Variants in RAD51B observed in about 807,000 individuals in gnomAD.
The protein encoded by RAD51B is DNA repair protein RAD51 homolog 2.
In RAD51B, 38 loss-of-function variants were observed where a neutral mutation model predicts 42.2. That is an observed-to-expected ratio of 0.90 (90% CI 0.70 to 1.18). The LOEUF (loss-of-function observed/expected upper bound fraction) is 1.18, where lower values mean the gene tolerates loss of function less well. Ranked by LOEUF, RAD51B falls within the 50% of genes most tolerant of loss-of-function variation. RAD51B has a pLI of 0.00. For synonymous variants in RAD51B, 154 were observed against 145.2 expected (o/e 1.06, Z -0.43); for missense variants, 373 against 400.7 (o/e 0.93, Z 0.59).
intron 7 of RAD51B, among the ~76,000 whole-genome samples, chr14:68,176,918 A>G (rs1369856839): frequency 1.3e-5 from 2 of 152,176 alleles, no homozygotes; most frequent in Non-Finnish European, 1.5e-5. Context: ...CAACTGCACT[A>G]TGCCAAGATG....
At chr14:68,324,489 A>G (rs1358363061) in intron 8 of RAD51B, among the ~76,000 whole-genome samples, 1 of 152,236 alleles carries the variant, frequency 6.6e-6, no homozygotes. Context: ...GACAAGATCA[A>G]GAACCAGGAC....
intron 3 of RAD51B, among the ~76,000 whole-genome samples, chr14:67,833,111 C>A (rs550368852): frequency 3.9e-5 from 6 of 152,280 alleles, no homozygotes; most frequent in African/African-American, 1.4e-4. Context: ...TGCAGTGGCT[C>A]ACACCTGTAA....
At position 68,277,004 on chromosome 14, in the gene RAD51B, G is replaced by A. The variant is rs115715510; in HGVS notation, c.757-14880G>A. Among the ~76,000 whole-genome samples, 283 of 152,260 alleles carry A rather than the reference G, an allele frequency of 1.9e-3. 1 individual carries two copies. Among genetic ancestry groups the A allele is most frequent in the African/African-American group, 6.5e-3 (270 of 41,550 alleles). ...ACAAAGCTTATGGAGTACTCAGGAC[G>A]GAGAGAACATGGTGAGTGTTAGGGA... On this transcript the variant is annotated intron_variant, in intron 7 of 10. Coordinates refer to ENST00000471583, the MANE Select transcript of RAD51B (RefSeq NM_133510.4).
At chr14:67,882,932 A>G (rs1448945611) in intron 5 of RAD51B, among the ~76,000 whole-genome samples, 1 of 152,132 alleles carries the variant, frequency 6.6e-6, no homozygotes, top group Non-Finnish European at 1.5e-5. Context: ...TTTAGTAGAG[A>G]CGGGGTTTTG....
intron 8 of RAD51B, among the ~76,000 whole-genome samples, chr14:68,392,097 A>C (rs1366951242): frequency 6.6e-6 from 1 of 152,204 alleles, no homozygotes; most frequent in African/African-American, 2.4e-5. Context: ...CAAGCAATAC[A>C]AATTACAAAC....
At chr14:68,259,037 AGG>A (rs909029189) in intron 7 of RAD51B, among the ~76,000 whole-genome samples, 1 of 152,210 alleles carries the variant, frequency 6.6e-6, no homozygotes, top group Non-Finnish European at 1.5e-5. Flanking sequence ...GCAGAAACTA[AGG>A]GGAGAATTTG....
chr14:68,346,879 G>C (rs1566823711), intron 8 of RAD51B, among the ~76,000 whole-genome samples: 1 of 152,072 alleles, frequency 6.6e-6, no homozygotes, highest in Non-Finnish European at 1.5e-5. Context: ...TTATGGTCTA[G>C]GATAGTTTAC....
chr14:68,140,482 G>A (rs932855400), intron 7 of RAD51B, among the ~76,000 whole-genome samples: 8 of 152,174 alleles, frequency 5.3e-5, no homozygotes, highest in Non-Finnish European at 7.3e-5. Flanking sequence ...AACAGTAAAT[G>A]TTACCTCCAC....
chr14:67,942,029 T>C (rs989969687), intron 7 of RAD51B, among the ~76,000 whole-genome samples: 31 of 152,238 alleles, frequency 2.0e-4, no homozygotes, highest in African/African-American at 7.5e-4. Flanking sequence ...CTGTTTGCTT[T>C]TCTCTCTTTA....
intron 8 of RAD51B, among the ~76,000 whole-genome samples, chr14:68,300,641 T>G (rs1566793784): frequency 6.6e-6 from 1 of 152,240 alleles, no homozygotes; most frequent in Non-Finnish European, 1.5e-5. Flanking sequence ...TCCTCCTTGA[T>G]CTAATTTTCT....
chr14:68,477,808 C>A lies in RAD51B; in HGVS notation c.*144C>A. On this transcript the variant is annotated 3_prime_UTR_variant, in exon 11 of 11. Coordinates refer to ENST00000471583, the MANE Select transcript of RAD51B (RefSeq NM_133510.4). ...TGTTGAGATGGTAACAGATTTGCTC[C>A]TAAACCATTGAGCTAGCGATTTCAG... The A allele has an allele frequency of 6.7e-7, 1 of 1,494,108 alleles. No individual in the cohort carries two copies. Among genetic ancestry groups the A allele is most frequent in the Non-Finnish European group, 8.9e-7 (1 of 1,124,312 alleles). The allele number at this position is 1,494,108 out of a possible 1,614,324, so 92.6% of individuals were successfully genotyped here. A position where few individuals can be genotyped will look rare whatever the true frequency, so the allele number is the denominator to read the frequency against.
At chr14:67,923,257 T>C (rs2044386966) in intron 7 of RAD51B, among the ~76,000 whole-genome samples, 1 of 151,306 alleles carries the variant, frequency 6.6e-6, no homozygotes, top group African/African-American at 2.4e-5. Flanking sequence ...TGTGTGTGTG[T>C]ATATATATAT....
At chr14:68,536,134 C>T (rs148467469) in intron 10 of RAD51B, among the ~76,000 whole-genome samples, 4 of 152,320 alleles carry the variant, frequency 2.6e-5, no homozygotes, top group African/African-American at 9.6e-5. Flanking sequence ...TGGGATGAAA[C>T]TCCTGACATC....
In RAD51B at chr14:68,371,440, C is replaced by T. The variant is rs187272279; in HGVS notation, c.854-39984C>T. Reference sequence around the variant, plus strand: ...GGCTGAGGCAGAAGAATTGCTTGAACGCGGGAGGCGGAGGTTGCAGTGAGC... The same window carrying T: ...GGCTGAGGCAGAAGAATTGCTTGAATGCGGGAGGCGGAGGTTGCAGTGAGC... On this transcript the variant is annotated intron_variant, in intron 8 of 10. Transcript: ENST00000471583. 3.0e-4 allele frequency among the ~76,000 whole-genome samples: 46 copies of T among 152,240 alleles called. 1 individual carries two copies. In the Middle Eastern group the frequency reaches 0.024, roughly 79 times the overall value.
intron 7 of RAD51B, among the ~76,000 whole-genome samples, chr14:68,072,054 TA>T (rs1444914434): frequency 1.7e-5 from 2 of 119,140 alleles, no homozygotes; most frequent in African/African-American, 8.5e-5. Context: ...TATATATAAT[TA>T]TATATATTTA....
At chr14:68,595,176 T>C (rs1595010511) in exon 11 of RAD51B, 2 of 1,065,508 alleles carry the variant, frequency 1.9e-6, no homozygotes, top group East Asian at 9.9e-5. Flanking sequence ...TTATCCACTC[T>C]AATGGAGCAG....
chr14:68,046,504 C>T lies in RAD51B; in HGVS notation c.756+159300C>T, dbSNP rs557681881. Among the ~76,000 whole-genome samples the T allele has an allele frequency of 3.9e-5, 6 of 152,272 alleles. No individual in the cohort carries two copies. The East Asian group carries it at 5.8e-4, about 15-fold the overall frequency. On this transcript the variant is annotated intron_variant, in intron 7 of 10. Transcript: ENST00000471583. ...CTGCAATCCCAGCACTTTGGGAGGCCGAGGCTGGTGGATTGCTTGAACCCA... is the reference window on the plus strand; with the variant it reads ...CTGCAATCCCAGCACTTTGGGAGGCTGAGGCTGGTGGATTGCTTGAACCCA...
chr14:68,087,918 T>C (rs2077015887), intron 7 of RAD51B, among the ~76,000 whole-genome samples: 1 of 119,536 alleles, frequency 8.4e-6, no homozygotes, highest in Non-Finnish European at 1.6e-5. Flanking sequence ...TTATATAATA[T>C]ATTATATATA....
At chr14:67,987,989 C>T (rs930633361) in intron 7 of RAD51B, among the ~76,000 whole-genome samples, 2 of 151,990 alleles carry the variant, frequency 1.3e-5, no homozygotes, top group Admixed American at 6.6e-5. Flanking sequence ...TAGTGTTTGC[C>T]GTGGTAGGTA....
Sources: gnomAD v4.1 joint callset for allele counts (sites outside exome capture counted in the v4.1 genomes callset) on GRCh38, gnomAD v4.1.1 for gene constraint, MANE v1.5 for transcripts, NCBI Gene and HGNC (gene_info 2026-07-23, HGNC 2026-07-21) for gene names.